BRIP1: variants seen among roughly 807,000 people sequenced by gnomAD.
BRIP1 encodes the protein BRCA1 interacting DNA helicase 1.
BRIP1 carries 88 observed loss-of-function variants against 119.7 expected under a neutral mutation model. That is an observed-to-expected ratio of 0.74 (90% CI 0.62 to 0.88). The LOEUF is 0.88. Among genes scored for constraint, BRIP1 ranks in the 40% least tolerant of loss-of-function variants. The pLI is 0.00. For missense variants in BRIP1, 1,259 were observed against 1,455.4 expected (o/e 0.87, Z 2.20); for synonymous variants, 443 against 496.5 (o/e 0.89, Z 1.43).
intron 9 of BRIP1, among the ~76,000 whole-genome samples, chr17:61,797,703 C>T (rs962468783): frequency 1.2e-4 from 18 of 151,816 alleles, no homozygotes; most frequent in African/African-American, 3.9e-4. Context: ...GATTTTAATT[C>T]CCTAATATAT....
Position 61,703,023 on chromosome 17 carries a change from C to G in BRIP1, c.2493-9511G>C, listed in dbSNP as rs367961286. 6.9e-6 allele frequency among the ~76,000 whole-genome samples: 1 copy of G among 144,682 alleles called. No individual in the cohort carries two copies. The highest frequency in any genetic ancestry group is 1.5e-5 in the Non-Finnish European group (1 of 66,730). 94.9% of individuals were successfully genotyped at this position (144,682 alleles called of 152,430 possible). On this transcript the variant is annotated intron_variant, in intron 17 of 19. Coordinates refer to ENST00000259008, the MANE Select transcript of BRIP1 (RefSeq NM_032043.3). This position sits in a 1 kb window ranked among gnomAD's most constrained non-coding sequence, Gnocchi z 5.0. ...TTAACGATAGCCATTCTGACTAGTGCGAGATGTTATCTCATTGTGTATGTA... is the reference window on the plus strand; with the variant it reads ...TTAACGATAGCCATTCTGACTAGTGGGAGATGTTATCTCATTGTGTATGTA...
At position 61,789,488 on chromosome 17, in the gene BRIP1, T is replaced by TTTATATAAACAATTTA. The variant is rs2077783358; in HGVS notation, c.1473+4108_1473+4109insTAAATTGTTTATATAA. On this transcript the variant is annotated intron_variant, in intron 10 of 19. Transcript: ENST00000259008. This position sits in a 1 kb window ranked among gnomAD's most constrained non-coding sequence, Gnocchi z 4.8. ...TAAAAGTATTTATAAATCCCATCCTTTATAAACAATAAATACCTTAAAATT... is the reference window on the plus strand; with the variant it reads ...TAAAAGTATTTATAAATCCCATCCTTTTATATAAACAATTTATATAAACAATAAATACCTTAAAATT... Among the ~76,000 whole-genome samples, 1 of 152,056 alleles carries TTTATATAAACAATTTA rather than the reference T, an allele frequency of 6.6e-6. No individual in the cohort carries two copies. Among genetic ancestry groups the TTTATATAAACAATTTA allele is most frequent in the Non-Finnish European group, 1.5e-5 (1 of 67,996 alleles).
chr17:61,847,188 T>C lies in BRIP1; in HGVS notation c.540A>G (p.Val180=), dbSNP rs1314853302. The change falls in exon 6 of 20, where the codon GTA becomes GTG. Residue 180 remains valine, a synonymous_variant. Transcript: ENST00000259008. ...AATCAACTTTTGCATCCAAATTGTG[T>C]ACTTCTGTTCCAAAGCAATGACGTT... The part of the protein sequence containing the change: ...IRKRHCFGTE[V]HNLDAKVDSG... 6.2e-7 allele frequency: 1 copy of C among 1,613,714 alleles called. No individual in the cohort carries two copies. The highest frequency in any genetic ancestry group is 8.5e-7 in the Non-Finnish European group (1 of 1,179,652).
At chr17:61,763,252 T>C (rs1372528488) in intron 14 of BRIP1, among the ~76,000 whole-genome samples, 1 of 152,150 alleles carries the variant, frequency 6.6e-6, no homozygotes, top group Non-Finnish European at 1.5e-5. Context: ...CCATTTATTA[T>C]CTCACAGTCT....
chr17:61,858,558 A>G (rs1222434209), intron 3 of BRIP1, among the ~76,000 whole-genome samples: 1 of 152,080 alleles, frequency 6.6e-6, no homozygotes, highest in Non-Finnish European at 1.5e-5. Context: ...TTTTTAGTAG[A>G]GACGGGGTTT....
intron 10 of BRIP1, among the ~76,000 whole-genome samples, chr17:61,792,763 G>T (rs1212954577): frequency 6.6e-6 from 1 of 152,096 alleles, no homozygotes; most frequent in Non-Finnish European, 1.5e-5. Context: ...TGGATTCCTA[G>T]GCAAAACCTA....
Position 61,729,071 on chromosome 17 carries a change from G to A in BRIP1, c.2380-13008C>T, listed in dbSNP as rs1020291745. On this transcript the variant is annotated intron_variant, in intron 16 of 19. Coordinates refer to ENST00000259008, the MANE Select transcript of BRIP1 (RefSeq NM_032043.3). The surrounding 1 kb of genome is among the most constrained non-coding windows in gnomAD (Gnocchi z 5.6). ...TGAGGCGGGCGGATCTTCTGAGGTC[G>A]GGAGTTCGAGACCAGCCTGACCAAC... Among the ~76,000 whole-genome samples the A allele has an allele frequency of 1.3e-5, 2 of 151,950 alleles. No individual in the cohort carries two copies. Among genetic ancestry groups the A allele is most frequent in the African/African-American group, 4.8e-5 (2 of 41,374 alleles).
chr17:61,845,136 C>A lies in BRIP1; in HGVS notation c.627+1965G>T, dbSNP rs1422146615. Among the ~76,000 whole-genome samples, 1 of 152,166 alleles carries A rather than the reference C, an allele frequency of 6.6e-6. No individual in the cohort carries two copies. The highest frequency in any genetic ancestry group is 2.4e-5 in the African/African-American group (1 of 41,430). On this transcript the variant is annotated intron_variant, in intron 6 of 19. Transcript: ENST00000259008. The surrounding 1 kb of genome is among the most constrained non-coding windows in gnomAD (Gnocchi z 4.2). Reference sequence around the variant, plus strand: ...GAGAAAACACTGTGGCAGAGCTCAACATATAGCTTACATTATAATGATGTT... The same window carrying A: ...GAGAAAACACTGTGGCAGAGCTCAAAATATAGCTTACATTATAATGATGTT...
rs983692668 is a variant in BRIP1, at chr17:61,805,368, T to C, written c.918+3099A>G. 9.9e-5 allele frequency among the ~76,000 whole-genome samples: 15 copies of C among 152,146 alleles called. No homozygotes were observed. Among genetic ancestry groups the C allele is most frequent in the Non-Finnish European group, 2.1e-4 (14 of 68,030 alleles). ...ATTAGGAGGAAAGGACTCATCTAAC[T>C]ATATTTATTTAGGCCATTTTCTACA... is the stretch of plus-strand genomic sequence containing the variant. On this transcript the variant is annotated intron_variant, in intron 7 of 19. Coordinates refer to ENST00000259008, the MANE Select transcript of BRIP1 (RefSeq NM_032043.3). This position sits in a 1 kb window ranked among gnomAD's most constrained non-coding sequence, Gnocchi z 5.6.
chr17:61,738,995 G>T lies in BRIP1; in HGVS notation c.2379+4018C>A, dbSNP rs2076954091. 1 of 159,330 alleles carries T rather than the reference G, an allele frequency of 6.3e-6. No individual in the cohort carries two copies. Among genetic ancestry groups the T allele is most frequent in the East Asian group, 1.6e-4 (1 of 6,450 alleles). The allele number at this position is 159,330 out of a possible 1,614,324, so 9.9% of individuals were successfully genotyped here. ...CCATAAAGTTTTTCTTCTTTTCCAG[G>T]TCTCAAGAACTCATATGTAGGGTCC... On this transcript the variant is annotated intron_variant, in intron 16 of 19. Transcript: ENST00000259008. The surrounding 1 kb of genome is among the most constrained non-coding windows in gnomAD (Gnocchi z 4.2).
Position 61,846,964 on chromosome 17 carries a change from A to ATG in BRIP1, c.627+135_627+136dup. On this transcript the variant is annotated intron_variant, in intron 6 of 19. Coordinates refer to ENST00000259008, the MANE Select transcript of BRIP1 (RefSeq NM_032043.3). The surrounding 1 kb of genome is among the most constrained non-coding windows in gnomAD (Gnocchi z 4.3). ...GCCATCTCACACATTAGTAACAGAG[A>ATG]TGTGACAGCATTGAGGACTTCTGAG... is the stretch of plus-strand genomic sequence containing the variant. 1 of 930,124 alleles carries ATG rather than the reference A, an allele frequency of 1.1e-6. No homozygotes were observed. Among genetic ancestry groups the ATG allele is most frequent in the Non-Finnish European group, 1.7e-6 (1 of 597,878 alleles). 57.6% of individuals were successfully genotyped at this position (930,124 alleles called of 1,614,324 possible).
chr17:61,715,479 A>G (rs2061845659), intron 17 of BRIP1, among the ~76,000 whole-genome samples: 1 of 152,136 alleles, frequency 6.6e-6, no homozygotes, highest in African/African-American at 2.4e-5. Context: ...ATTTGATGAT[A>G]TTTTAACAGA....
In BRIP1 at chr17:61,803,651, T is replaced by TA. The variant is rs1285869959; in HGVS notation, c.919-2178dup. Among the ~76,000 whole-genome samples the TA allele has an allele frequency of 6.6e-6, 1 of 152,020 alleles. No homozygotes were observed. Among genetic ancestry groups the TA allele is most frequent in the Admixed American group, 6.6e-5 (1 of 15,250 alleles). On this transcript the variant is annotated intron_variant, in intron 7 of 19. Transcript: ENST00000259008. The surrounding 1 kb of genome is among the most constrained non-coding windows in gnomAD (Gnocchi z 4.3). ...AAAAAATACTCATTATGTGCATTAA[T>TA]AAAAAAATAAAATGTTTGATAAAAC...
In BRIP1 at chr17:61,708,214, G is replaced by A. The variant is rs552225792; in HGVS notation, c.2492+7737C>T. 5.9e-5 allele frequency among the ~76,000 whole-genome samples: 9 copies of A among 152,162 alleles called. 1 individual carries two copies. The highest frequency in any genetic ancestry group is 1.9e-4 in the East Asian group (1 of 5,180). ...CTTGCCTATGGTCAAAGTTACTCACGGTCAAATGTAGTCCAAAAATATTAA... is the reference window on the plus strand; with the variant it reads ...CTTGCCTATGGTCAAAGTTACTCACAGTCAAATGTAGTCCAAAAATATTAA... On this transcript the variant is annotated intron_variant, in intron 17 of 19. Coordinates refer to ENST00000259008, the MANE Select transcript of BRIP1 (RefSeq NM_032043.3). The surrounding 1 kb of genome is among the most constrained non-coding windows in gnomAD (Gnocchi z 4.4).
rs1555571892 is a variant in BRIP1, at chr17:61,680,480, C to CTTTCTTTT, written c.*2815_*2816insAAAAGAAA. On this transcript the variant is annotated 3_prime_UTR_variant, in exon 20 of 20. Coordinates refer to ENST00000259008, the MANE Select transcript of BRIP1 (RefSeq NM_032043.3). ...AGTTTACCAATTCTAAAGGTAATTT[C>CTTTCTTTT]TTTTTTTTTTTTTTTTTGAGACGGA... Among the ~76,000 whole-genome samples the CTTTCTTTT allele has an allele frequency of 0.012, 1,517 of 124,002 alleles. 46 individuals are homozygous for CTTTCTTTT. The highest frequency in any genetic ancestry group is 0.032 in the South Asian group (127 of 3,942). The allele number at this position is 124,002 out of a possible 152,430, so 81.4% of individuals were successfully genotyped here. A position where few individuals can be genotyped will look rare whatever the true frequency, so the allele number is the denominator to read the frequency against.
chr17:61,790,373 C>T lies in BRIP1; in HGVS notation c.1473+3224G>A, dbSNP rs569670782. 4.6e-5 allele frequency among the ~76,000 whole-genome samples: 7 copies of T among 152,024 alleles called. No individual in the cohort carries two copies. In the South Asian group the frequency reaches 1.2e-3, roughly 27 times the overall value. On this transcript the variant is annotated intron_variant, in intron 10 of 19. Transcript: ENST00000259008. The stretch of plus-strand genomic sequence containing the variant: ...CAGCCTGACCAACATGGAGAAACTC[C>T]GTCTCTACTAAAAATACAAAAAATT...
Position 61,742,821 on chromosome 17 carries a change from A to G in BRIP1, c.2379+192T>C, listed in dbSNP as rs2077003184. Among the ~76,000 whole-genome samples the G allele has an allele frequency of 6.6e-6, 1 of 152,232 alleles. No individual in the cohort carries two copies. Among genetic ancestry groups the G allele is most frequent in the African/African-American group, 2.4e-5 (1 of 41,450 alleles). ...GTGAGAATTAACCCAAATGTGAAAC[A>G]GAAACAAGTGACCACATGCTGTTGG... On this transcript the variant is annotated intron_variant, in intron 16 of 19. Coordinates refer to ENST00000259008, the MANE Select transcript of BRIP1 (RefSeq NM_032043.3). This position sits in a 1 kb window ranked among gnomAD's most constrained non-coding sequence, Gnocchi z 4.7.
At chr17:61,854,068 G>A (rs987464568) in intron 4 of BRIP1, among the ~76,000 whole-genome samples, 7 of 152,068 alleles carry the variant, frequency 4.6e-5, no homozygotes, top group African/African-American at 1.7e-4. Flanking sequence ...TTGAGCCCAG[G>A]GGTTCAAGAC....
Position 61,832,380 on chromosome 17 carries a change from T to C in BRIP1, c.627+14721A>G, listed in dbSNP as rs1274331020. ...TTTTTGTAAGGACATGTTATTTATA[T>C]AATTTCAGAGTTCTTCCCCATAAAG... On this transcript the variant is annotated intron_variant, in intron 6 of 19. Transcript: ENST00000259008. The surrounding 1 kb of genome is among the most constrained non-coding windows in gnomAD (Gnocchi z 5.5). Among the ~76,000 whole-genome samples the C allele has an allele frequency of 6.6e-6, 1 of 152,228 alleles. No homozygotes were observed. Among genetic ancestry groups the C allele is most frequent in the East Asian group, 1.9e-4 (1 of 5,204 alleles).
Sources: allele counts gnomAD v4.1 joint callset (sites outside exome capture counted in the v4.1 genomes callset), GRCh38; gene constraint gnomAD v4.1.1; non-coding constraint Gnocchi (gnomAD v3.1); transcripts MANE v1.5; gene names NCBI Gene and HGNC (gene_info 2026-07-23, HGNC 2026-07-21).